Variants in MYOCD observed in about 807,000 individuals in gnomAD.
The protein encoded by MYOCD is myocardin.
A neutral mutation model predicts 96.1 loss-of-function variants in MYOCD; 32 were observed. The ratio of observed to expected loss-of-function variants is 0.33; its 90% confidence interval spans 0.25 to 0.45. The LOEUF (loss-of-function observed/expected upper bound fraction) is 0.45, where lower values mean the gene tolerates loss of function less well. Ranked by LOEUF, MYOCD falls within the 20% of genes least tolerant of loss-of-function variation. The probability of loss-of-function intolerance (pLI) is 1.00; values close to 1 mark genes in which losing one functional copy is unlikely to be tolerated. For synonymous variants in MYOCD, 469 were observed against 469.0 expected, an observed-to-expected ratio of 1.00 and a Z score of 0.00; for missense variants, 1,133 against 1,200.6, an observed-to-expected ratio of 0.94 and a Z score of 0.83.
intron 9 of MYOCD, among the ~76,000 whole-genome samples, chr17:12,749,943 G>A (rs958165383): frequency 4.0e-5 from 6 of 151,874 alleles, no homozygotes; most frequent in African/African-American, 7.3e-5. Context: ...TCCGCCTTCC[G>A]GGTTCACGCC....
At chr17:12,722,065 G>A (rs977592628) in intron 4 of MYOCD, among the ~76,000 whole-genome samples, 7 of 152,186 alleles carry the variant, frequency 4.6e-5, no homozygotes, top group African/African-American at 1.7e-4. Context: ...GGACTTGTCT[G>A]TAAATATCTC....
intron 5 of MYOCD, among the ~76,000 whole-genome samples, chr17:12,729,718 C>A (rs1006350409): frequency 1.4e-4 from 22 of 152,010 alleles, no homozygotes; most frequent in African/African-American, 5.1e-4. Flanking sequence ...ATTACAGGTG[C>A]GTGGCACCAC....
intron 13 of MYOCD, 44 bp from the exon 14 acceptor site, chr17:12,763,029 C>A: frequency 6.6e-7 from 1 of 1,515,660 alleles, no homozygotes; most frequent in South Asian, 1.3e-5. Flanking sequence ...GTGGCATGCT[C>A]AATTTGAAGT....
At chr17:12,703,056 A>G (rs992620078) in intron 1 of MYOCD, among the ~76,000 whole-genome samples, 43 of 151,940 alleles carry the variant, frequency 2.8e-4, no homozygotes, top group African/African-American at 1.0e-3. Context: ...AAGAAATTAT[A>G]TTATTTTTTC....
Position 12,758,219 on chromosome 17 carries a change from C to G in MYOCD, c.2331+6C>G. ...ATGAAGATGCCGTAAAGCAGGTAAC[C>G]ATGTGATTTGTTCTTTATGGAAGAA... On this transcript the variant is annotated splice_donor_region_variant and intron_variant, in intron 12 of 13. Coordinates refer to ENST00000425538, the MANE Select transcript of MYOCD (RefSeq NM_001146312.3). The G allele has an allele frequency of 6.2e-7, 1 of 1,613,970 alleles. No homozygotes were observed. The highest frequency in any genetic ancestry group is 8.5e-7 in the Non-Finnish European group (1 of 1,179,902).
intron 9 of MYOCD, among the ~76,000 whole-genome samples, chr17:12,750,534 C>T (rs1005203023): frequency 8.6e-5 from 13 of 151,892 alleles, no homozygotes; most frequent in African/African-American, 3.1e-4. Context: ...ACTTAAAATA[C>T]AAAAATTAGC....
intron 1 of MYOCD, among the ~76,000 whole-genome samples, chr17:12,668,907 C>T (rs1011325334): frequency 1.3e-5 from 2 of 151,972 alleles, no homozygotes; most frequent in African/African-American, 4.8e-5. Context: ...GGCGGTTGGT[C>T]AGTTTCTCTG....
chr17:12,693,532 C>A (rs1045137022), intron 1 of MYOCD, among the ~76,000 whole-genome samples: 2 of 151,788 alleles, frequency 1.3e-5, no homozygotes, highest in African/African-American at 2.4e-5. Context: ...TTCGCTTGAA[C>A]CTGGGAGGCA....
intron 10 of MYOCD, 69 bp from the exon 11 acceptor site, chr17:12,756,345 A>G: frequency 1.3e-6 from 2 of 1,523,660 alleles, no homozygotes; most frequent in Non-Finnish European, 1.8e-6. Context: ...AGGAACCAGA[A>G]TTGTCAGCAA....
At chr17:12,727,527 C>T (rs1229727585) in intron 5 of MYOCD, among the ~76,000 whole-genome samples, 1 of 152,160 alleles carries the variant, frequency 6.6e-6, no homozygotes, top group Non-Finnish European at 1.5e-5. Context: ...TATCATTCTT[C>T]CAGCCTCTGG....
At position 12,705,159 on chromosome 17, in the gene MYOCD, C is replaced by G; in HGVS notation, c.87C>G (p.Thr29=). The G allele has an allele frequency of 6.2e-7, 1 of 1,613,502 alleles. No individual in the cohort carries two copies. ...AGTTAAGACTTCAACAAAGAAGGAC[C>G]CAGGAACAACTGGCTAACCAAGGCA... ...VLQLRLQQRR[T]QEQLANQGII... Residue 29 remains threonine (T), a synonymous_variant, in exon 2 of 14, where the codon ACC becomes ACG. Coordinates refer to ENST00000425538, the MANE Select transcript of MYOCD (RefSeq NM_001146312.3).
chr17:12,744,940 AACTGCCAATAGGTGGAGGG>A (rs1483609747), intron 8 of MYOCD, among the ~76,000 whole-genome samples: 1 of 152,242 alleles, frequency 6.6e-6, no homozygotes, highest in African/African-American at 2.4e-5. Flanking sequence ...TGTAAAGTGA[AACTGCCAATAGGTGGAGGG>A]ACTGCTATAA....
At chr17:12,754,305 T>C (rs1019081315) in intron 10 of MYOCD, among the ~76,000 whole-genome samples, 7 of 152,200 alleles carry the variant, frequency 4.6e-5, no homozygotes, top group African/African-American at 1.4e-4. Context: ...AGTTTCACCA[T>C]GTTGGCCAGG....
intron 4 of MYOCD, among the ~76,000 whole-genome samples, chr17:12,718,472 A>G (rs896402627): frequency 1.3e-5 from 2 of 152,200 alleles, no homozygotes; most frequent in Non-Finnish European, 2.9e-5. Context: ...TCCAAGACTG[A>G]ACACTAGCTT....
At chr17:12,745,784 T>C in intron 8 of MYOCD, 135 bp from the exon 9 acceptor site, 2 of 880,292 alleles carry the variant, frequency 2.3e-6, no homozygotes, top group Non-Finnish European at 3.6e-6. Context: ...GTGTTGTTTT[T>C]CCTCACCCTG....
intron 5 of MYOCD, among the ~76,000 whole-genome samples, chr17:12,734,477 A>ACCTGGCC (rs531284423): frequency 1.6e-3 from 216 of 133,492 alleles, no homozygotes; most frequent in African/African-American, 4.7e-3. Context: ...CTGCATGCCT[A>ACCTGGCC]CCTGGCCCTC....
chr17:12,758,281 T>C (rs1237780257), intron 12 of MYOCD, 68 bp downstream of exon 12: 10 of 1,603,776 alleles, frequency 6.2e-6, no homozygotes, highest in Non-Finnish European at 8.5e-6. Context: ...TTTGATATGA[T>C]TAAACTTCAC....
Position 12,693,615 on chromosome 17 carries a change from A to AAATAAAATAG in MYOCD, c.56-11503_56-11494dup, listed in dbSNP as rs1277904743. Among the ~76,000 whole-genome samples the AAATAAAATAG allele has an allele frequency of 8.6e-5, 12 of 139,284 alleles. 1 individual carries two copies. The highest frequency in any genetic ancestry group is 3.0e-4 in the African/African-American group (11 of 36,924). 91.4% of individuals were successfully genotyped at this position (139,284 alleles called of 152,430 possible). A position where few individuals can be genotyped will look rare whatever the true frequency, so the allele number is the denominator to read the frequency against. On this transcript the variant is annotated intron_variant, in intron 1 of 13. Coordinates refer to ENST00000425538, the MANE Select transcript of MYOCD (RefSeq NM_001146312.3). ...TCGCAGAGAGACTCTGTCTCAAAAA[A>AAATAAAATAG]AATAAAATAGAATAAAATAAAATAA...
intron 2 of MYOCD, among the ~76,000 whole-genome samples, chr17:12,715,226 C>T (rs534573592): frequency 3.3e-5 from 5 of 152,130 alleles, no homozygotes; most frequent in Non-Finnish European, 7.3e-5. Context: ...AGTTTTCCAC[C>T]ACCCCTTCTA....
Sources: gnomAD v4.1 joint callset for allele counts (sites outside exome capture counted in the v4.1 genomes callset) on GRCh38, gnomAD v4.1.1 for gene constraint, MANE v1.5 for transcripts, NCBI Gene and HGNC (gene_info 2026-07-23, HGNC 2026-07-21) for gene names.